The following MYO1D variants were observed in gnomAD, a reference collection of about 807,000 sequenced individuals.
The protein encoded by MYO1D is myosin ID, also known as unconventional myosin-Id.
Under a neutral mutation model 122.0 loss-of-function variants are expected in MYO1D, and 83 were observed. That is an observed-to-expected ratio of 0.68 (90% CI 0.57 to 0.82). The LOEUF (loss-of-function observed/expected upper bound fraction) is 0.82. MYO1D is among the 40% of genes least tolerant of loss of function. MYO1D has a pLI of 0.00. For missense variants in MYO1D, 1,157 were observed against 1,269.5 expected, an observed-to-expected ratio of 0.91 and a Z score of 1.35; for synonymous variants, 464 against 446.9, an observed-to-expected ratio of 1.04 and a Z score of -0.48.
chr17:32,703,197 A>G (rs1053162246), intron 16 of MYO1D, among the ~76,000 whole-genome samples: 7 of 152,206 alleles, frequency 4.6e-5, no homozygotes, highest in Non-Finnish European at 1.0e-4. Context: ...TGACACAGTG[A>G]GCAATTAAGA....
rs750811342 is a variant in MYO1D at position 32,755,569 on chromosome 17, C to G, written c.1390G>C (p.Gly464Arg). The part of the protein sequence containing the change: ...AILDDACMNV[G>R]KVTDEMFLEA... The stretch of plus-strand genomic sequence containing the variant: ...AGAAACATTTCATCGGTGACTTTGC[C>G]GACATTCATGCAAGCATCATCAAGG... The change falls in exon 11 of 22, where the codon GGC becomes CGC. Residue 464 changes from glycine (G) to arginine (R), a missense_variant. By Grantham distance (125) the Gly-to-Arg change is moderately radical. Transcript: ENST00000318217. 1 of 1,613,746 alleles carries G rather than the reference C, an allele frequency of 6.2e-7. No homozygotes were observed. The highest frequency in any genetic ancestry group is 1.1e-5 in the South Asian group (1 of 91,068).
chr17:32,563,702 T>C (rs1408768150), intron 21 of MYO1D, among the ~76,000 whole-genome samples: 1 of 152,218 alleles, frequency 6.6e-6, no homozygotes, highest in Non-Finnish European at 1.5e-5. Context: ...TCATTTCAAA[T>C]GGAGCCATCA....
chr17:32,714,378 T>A (rs1335278396), intron 15 of MYO1D, among the ~76,000 whole-genome samples: 1 of 152,238 alleles, frequency 6.6e-6, no homozygotes, highest in African/African-American at 2.4e-5. Context: ...GCTCCATCCA[T>A]GTCCCTGCAA....
At chr17:32,564,266 C>T (rs1420149512) in intron 21 of MYO1D, among the ~76,000 whole-genome samples, 1 of 152,184 alleles carries the variant, frequency 6.6e-6, no homozygotes, top group African/African-American at 2.4e-5. Flanking sequence ...GAGAAGGGGG[C>T]TGTCAACTAG....
intron 19 of MYO1D, among the ~76,000 whole-genome samples, chr17:32,641,898 G>A (rs1208785356): frequency 2.6e-5 from 4 of 152,074 alleles, no homozygotes; most frequent in African/African-American, 9.7e-5. Context: ...TCACTCTGAT[G>A]GTAGTTTCTT....
intron 11 of MYO1D, among the ~76,000 whole-genome samples, chr17:32,753,176 C>T (rs1013642981): frequency 2.0e-5 from 3 of 152,046 alleles, no homozygotes; most frequent in South Asian, 4.2e-4. Flanking sequence ...TGTACATTTT[C>T]GCTTGTAAGT....
chr17:32,555,778 G>A (rs1385135695), intron 21 of MYO1D, among the ~76,000 whole-genome samples: 1 of 152,170 alleles, frequency 6.6e-6, no homozygotes, highest in African/African-American at 2.4e-5. Context: ...CTAATGGTCT[G>A]TTCCTCCAAC....
chr17:32,829,372 C>T (rs939349042), intron 1 of MYO1D, among the ~76,000 whole-genome samples: 2 of 152,230 alleles, frequency 1.3e-5, no homozygotes, highest in African/African-American at 2.4e-5. Context: ...TATACACATA[C>T]CTCTGGCTTT....
intron 1 of MYO1D, chr17:32,830,167 C>T (rs2090758189): frequency 6.6e-6 from 1 of 152,060 alleles, no homozygotes; most frequent in African/African-American, 2.4e-5. Context: ...AATCAAGATA[C>T]TCAGCATTAG....
In MYO1D at chr17:32,569,258, A is replaced by G. The variant is rs148381911; in HGVS notation, c.2864+35829T>C. Reference sequence around the variant, plus strand: ...CTATTTTCTCTGGGTGAAGACAGCAATGGGCATATTTCACTTCCATTGTTA... The same window carrying G: ...CTATTTTCTCTGGGTGAAGACAGCAGTGGGCATATTTCACTTCCATTGTTA... On this transcript the variant is annotated intron_variant, in intron 21 of 21. Coordinates refer to ENST00000318217, the MANE Select transcript of MYO1D (RefSeq NM_015194.3). Among the ~76,000 whole-genome samples, 28 of 152,334 alleles carry G rather than the reference A, an allele frequency of 1.8e-4. No individual in the cohort carries two copies. In the East Asian group the frequency reaches 5.4e-3, roughly 29 times the overall value.
At chr17:32,815,427 A>G (rs2090605547) in intron 1 of MYO1D, among the ~76,000 whole-genome samples, 1 of 152,236 alleles carries the variant, frequency 6.6e-6, no homozygotes, top group South Asian at 2.1e-4. Flanking sequence ...TTGTGGCTCA[A>G]GAATTGTGAG....
intron 7 of MYO1D, among the ~76,000 whole-genome samples, chr17:32,766,413 C>T (rs930669764): frequency 4.6e-5 from 7 of 152,138 alleles, no homozygotes; most frequent in Admixed American, 4.6e-4. Context: ...GTTCCCTCTC[C>T]TCCCTTACCC....
At position 32,704,623 on chromosome 17, in the gene MYO1D, T is replaced by C. The variant is rs115831818; in HGVS notation, c.2121+7365A>G. Among the ~76,000 whole-genome samples the C allele has an allele frequency of 2.8e-3, 430 of 152,304 alleles. 2 individuals carry two copies. Among genetic ancestry groups the C allele is most frequent in the African/African-American group, 1.0e-2 (415 of 41,566 alleles). On this transcript the variant is annotated intron_variant, in intron 16 of 21. Coordinates refer to ENST00000318217, the MANE Select transcript of MYO1D (RefSeq NM_015194.3). ...TCAATGGTAGTAGTAGCAGCACTAG[T>C]AGTAATAACAGCAGCTAACATTCAC...
intron 1 of MYO1D, among the ~76,000 whole-genome samples, chr17:32,848,631 T>C (rs1427754198): frequency 6.6e-6 from 1 of 152,246 alleles, no homozygotes; most frequent in East Asian, 1.9e-4. Flanking sequence ...CTTAGCTCTC[T>C]GTTGCTTACA....
At chr17:32,750,918 GCT>G (rs2089892170) in intron 11 of MYO1D, among the ~76,000 whole-genome samples, 1 of 151,884 alleles carries the variant, frequency 6.6e-6, no homozygotes, top group Non-Finnish European at 1.5e-5. Flanking sequence ...CCCCTTTTCT[GCT>G]CTCTCTCTTA....
intron 11 of MYO1D, among the ~76,000 whole-genome samples, chr17:32,752,460 T>C (rs1219820085): frequency 6.6e-6 from 1 of 151,982 alleles, no homozygotes; most frequent in Non-Finnish European, 1.5e-5. Context: ...GCAAAAGAAA[T>C]AACCAACAGA....
chr17:32,552,481 CCTT>C (rs777680618), intron 21 of MYO1D, among the ~76,000 whole-genome samples: 34 of 152,206 alleles, frequency 2.2e-4, no homozygotes, highest in African/African-American at 6.0e-4. Context: ...TCCCTCCCCT[CCTT>C]GTCTCCCTCC....
chr17:32,548,761 T>G (rs917611799), intron 21 of MYO1D, among the ~76,000 whole-genome samples: 3 of 151,072 alleles, frequency 2.0e-5, no homozygotes, highest in Non-Finnish European at 4.4e-5. Context: ...TTGCCCAGGC[T>G]GGAGTACAGT....
chr17:32,570,377 T>G (rs938582054), intron 21 of MYO1D, among the ~76,000 whole-genome samples: 1 of 152,048 alleles, frequency 6.6e-6, no homozygotes, highest in African/African-American at 2.4e-5. Context: ...AAAAATTTTT[T>G]TTTTTGAGAC....
Sources: allele counts gnomAD v4.1 joint callset (sites outside exome capture counted in the v4.1 genomes callset), GRCh38; gene constraint gnomAD v4.1.1; transcripts MANE v1.5; gene names NCBI Gene and HGNC (gene_info 2026-07-23, HGNC 2026-07-21).